The following KIAA1549L variants were observed in gnomAD, a reference collection of about 807,000 sequenced individuals.
KIAA1549L encodes UPF0606 protein KIAA1549L.
KIAA1549L carries 88 observed loss-of-function variants against 160.7 expected under a neutral mutation model. The ratio of observed to expected loss-of-function variants is 0.55; its 90% CI spans 0.46 to 0.65. KIAA1549L has a LOEUF of 0.65. Ranked by LOEUF, KIAA1549L falls within the 30% of genes least tolerant of loss-of-function variation. The probability of loss-of-function intolerance (pLI) is 0.00; values close to 1 mark genes in which losing one functional copy is unlikely to be tolerated. For missense variants in KIAA1549L, 2,258 were observed against 2,437.5 expected (o/e 0.93, Z 1.55); for synonymous variants, 950 against 976.7 (o/e 0.97, Z 0.51).
intron 1 of KIAA1549L, among the ~76,000 whole-genome samples, chr11:33,508,955 G>A (rs191920871): frequency 6.6e-6 from 1 of 152,268 alleles, no homozygotes; most frequent in East Asian, 1.9e-4. Flanking sequence ...CACTTCTTTG[G>A]TTCTGTCGTC....
intron 4 of KIAA1549L, among the ~76,000 whole-genome samples, chr11:33,549,180 T>TAA (rs1854370141): frequency 6.6e-6 from 1 of 152,168 alleles, no homozygotes; most frequent in South Asian, 2.1e-4. Context: ...TTTAAAAACT[T>TAA]AAGCACATTT....
At chr11:33,435,802 A>ATATGTG (rs1565135923) in intron 1 of KIAA1549L, among the ~76,000 whole-genome samples, 1 of 16,480 alleles carries the variant, frequency 6.1e-5, no homozygotes, top group East Asian at 1.5e-3. Context: ...ATATATATAT[A>ATATGTG]TATATATATG....
intron 1 of KIAA1549L, among the ~76,000 whole-genome samples, chr11:33,523,674 A>G (rs147706821): frequency 1.3e-5 from 2 of 152,146 alleles, no homozygotes; most frequent in South Asian, 4.1e-4. Flanking sequence ...GGATCTTACT[A>G]CTGGGTCCTT....
chr11:33,566,153 T>C lies in KIAA1549L; in HGVS notation c.4079-1923T>C, dbSNP rs187233315. 1.4e-4 allele frequency among the ~76,000 whole-genome samples: 21 copies of C among 152,330 alleles called. No homozygotes were observed. The East Asian group carries it at 3.5e-3, about 25-fold the overall frequency. ...ACCACTGCTATTTCCAGAACTTTTT[T>C]GTCCCCTGGAGGCTTTTGACTATTC... On this transcript the variant is annotated intron_variant, in intron 8 of 20. Coordinates refer to ENST00000658780, the MANE Select transcript of KIAA1549L (RefSeq NM_012194.3).
chr11:33,634,968 C>T (rs1394686779), intron 16 of KIAA1549L, among the ~76,000 whole-genome samples: 3 of 152,226 alleles, frequency 2.0e-5, no homozygotes, highest in Non-Finnish European at 2.9e-5. Context: ...TCCATTTGCA[C>T]GCCTTTGCAG....
In KIAA1549L at chr11:33,545,450, G is replaced by T. The variant is rs375280268; in HGVS notation, c.3385+72G>T. The T allele has an allele frequency of 1.0e-3, 1,521 of 1,474,090 alleles. 35 individuals are homozygous for T. The South Asian group carries it at 0.019, about 18-fold the overall frequency. The allele number at this position is 1,474,090 out of a possible 1,614,324, so 91.3% of individuals were successfully genotyped here. On this transcript the variant is annotated intron_variant, in intron 3 of 20. Transcript: ENST00000658780. Reference sequence around the variant, plus strand: ...AGATGTAACCATAATGTTTATTTTAGATCAGTGGTCCTCAACCAGGGGACA... The same window carrying T: ...AGATGTAACCATAATGTTTATTTTATATCAGTGGTCCTCAACCAGGGGACA...
At chr11:33,570,151 G>A (rs564896424) in intron 9 of KIAA1549L, among the ~76,000 whole-genome samples, 93 of 152,144 alleles carry the variant, frequency 6.1e-4, no homozygotes, top group African/African-American at 2.1e-3. Flanking sequence ...TTACAGGTGC[G>A]CACTGCCATG....
rs139080351 is a variant in KIAA1549L, at chr11:33,479,700, C to T, written c.239-62102C>T. Among the ~76,000 whole-genome samples, 585 of 152,198 alleles carry T rather than the reference C, an allele frequency of 3.8e-3. 8 individuals carry two copies. The highest frequency in any genetic ancestry group is 0.013 in the African/African-American group (547 of 41,522). Reference sequence around the variant, plus strand: ...ACCTTTTCTGTTGTTAAGAGCGTCACCCTAGGTCTGGAAATTGAATTGAGG... The same window carrying T: ...ACCTTTTCTGTTGTTAAGAGCGTCATCCTAGGTCTGGAAATTGAATTGAGG... On this transcript the variant is annotated intron_variant, in intron 1 of 20. Transcript: ENST00000658780.
At chr11:33,607,458 A>G (rs1056044535) in intron 14 of KIAA1549L, among the ~76,000 whole-genome samples, 1 of 152,248 alleles carries the variant, frequency 6.6e-6, no homozygotes, top group African/African-American at 2.4e-5. Context: ...GGTAAAAATT[A>G]TCTGCATTTC....
At chr11:33,411,729 A>G (rs901044145) in intron 1 of KIAA1549L, among the ~76,000 whole-genome samples, 1 of 152,192 alleles carries the variant, frequency 6.6e-6, no homozygotes, top group African/African-American at 2.4e-5. Context: ...CTTTCCAGCT[A>G]TCGTGGAGTG....
intron 1 of KIAA1549L, among the ~76,000 whole-genome samples, chr11:33,476,724 C>CAGGTCTCA (rs1852293508): frequency 6.6e-6 from 1 of 152,214 alleles, no homozygotes; most frequent in African/African-American, 2.4e-5. Context: ...GCTCATCATT[C>CAGGTCTCA]AGGTCTCAGC....
At chr11:33,467,459 A>G (rs896216472) in intron 1 of KIAA1549L, among the ~76,000 whole-genome samples, 1 of 152,242 alleles carries the variant, frequency 6.6e-6, no homozygotes, top group African/African-American at 2.4e-5. Context: ...TAGAGTTTGA[A>G]GAGGGACATA....
intron 1 of KIAA1549L, among the ~76,000 whole-genome samples, chr11:33,467,568 A>G (rs903608625): frequency 1.3e-5 from 2 of 152,220 alleles, no homozygotes; most frequent in Non-Finnish European, 2.9e-5. Flanking sequence ...GGAGTTTGCC[A>G]TAGCTACCCT....
chr11:33,411,566 C>G lies in KIAA1549L; in HGVS notation c.238+34677C>G, dbSNP rs577078864. Among the ~76,000 whole-genome samples, 6 of 152,312 alleles carry G rather than the reference C, an allele frequency of 3.9e-5. No homozygotes were observed. In the East Asian group the frequency reaches 1.2e-3, roughly 29 times the overall value. On this transcript the variant is annotated intron_variant, in intron 1 of 20. Transcript: ENST00000658780. ...TGGAAACTCTTGGGTCATTGCCCAA[C>G]CTTATTTGTTTGTTTGTTTTGTTCA...
At chr11:33,399,882 T>C (rs1048661622) in intron 1 of KIAA1549L, among the ~76,000 whole-genome samples, 4 of 152,222 alleles carry the variant, frequency 2.6e-5, no homozygotes, top group Non-Finnish European at 4.4e-5. Context: ...TCCGCTTCTC[T>C]TTGCTGTGGC....
At position 33,591,226 on chromosome 11, in the gene KIAA1549L, C is replaced by G. The variant is rs1850042061; in HGVS notation, c.4567-11C>G. Reference sequence around the variant, plus strand: ...TAGAAATACGACTGCAAATCTGTTTCCTCTTTGCAGCCTGTGCAAGGCTTT... The same window carrying G: ...TAGAAATACGACTGCAAATCTGTTTGCTCTTTGCAGCCTGTGCAAGGCTTT... On this transcript the variant is annotated splice_polypyrimidine_tract_variant and intron_variant, in intron 11 of 20. Coordinates refer to ENST00000658780, the MANE Select transcript of KIAA1549L (RefSeq NM_012194.3). 6.2e-7 allele frequency: 1 copy of G among 1,602,300 alleles called. No homozygotes were observed. The highest frequency in any genetic ancestry group is 8.5e-7 in the Non-Finnish European group (1 of 1,173,664).
chr11:33,381,485 T>A (rs555344094), intron 1 of KIAA1549L, among the ~76,000 whole-genome samples: 6 of 152,088 alleles, frequency 3.9e-5, no homozygotes, highest in Non-Finnish European at 7.4e-5. Flanking sequence ...GGAATGCCAA[T>A]GTAGAATTGA....
chr11:33,621,299 A>C (rs1424554938), intron 16 of KIAA1549L, among the ~76,000 whole-genome samples: 1 of 152,234 alleles, frequency 6.6e-6, no homozygotes, highest in East Asian at 1.9e-4. Context: ...CCTTAGCTCC[A>C]AGGGGTTTGG....
intron 1 of KIAA1549L, among the ~76,000 whole-genome samples, chr11:33,422,763 GT>G (rs1297775020): frequency 6.6e-6 from 1 of 151,786 alleles, no homozygotes; most frequent in African/African-American, 2.4e-5. Flanking sequence ...AGATAATGAG[GT>G]ATAGTCAGTG....
Sources: allele counts gnomAD v4.1 joint callset (sites outside exome capture counted in the v4.1 genomes callset), GRCh38; gene constraint gnomAD v4.1.1; transcripts MANE v1.5; gene names NCBI Gene and HGNC (gene_info 2026-07-23, HGNC 2026-07-21).